The following HAPLN3 variants were observed in gnomAD, a reference collection of about 807,000 sequenced individuals.
HAPLN3 encodes extracellular link domain containing, 1.
In HAPLN3, 28 loss-of-function variants were observed where a neutral mutation model predicts 28.1. The observed-to-expected ratio is 1.00, with a 90% CI of 0.74 to 1.37. HAPLN3 has a LOEUF of 1.37. Among genes scored for constraint, HAPLN3 ranks in the 40% most tolerant of loss-of-function variants. The pLI, the probability that HAPLN3 is intolerant of heterozygous loss-of-function variation, is 0.00. For missense variants in HAPLN3, 513 were observed against 504.6 expected (o/e 1.02, Z -0.16); for synonymous variants, 211 against 213.1 (o/e 0.99, Z 0.09).
intron 2 of HAPLN3, among the ~76,000 whole-genome samples, chr15:88,884,233 G>T (rs1054467873): frequency 6.6e-6 from 1 of 152,142 alleles, no homozygotes; most frequent in Admixed American, 6.5e-5. Context: ...CTATGAGTAG[G>T]AAGTTTAAGT....
intron 2 of HAPLN3, among the ~76,000 whole-genome samples, chr15:88,882,819 T>C (rs939589): frequency 0.52 from 78,287 of 151,808 alleles, 21,435 homozygotes; most frequent in African/African-American, 0.71. Flanking sequence ...GCCTGGGCAA[T>C]AAAGTGAGAC....
Position 88,885,977 on chromosome 15 carries a change from T to C in HAPLN3, c.124+1198A>G, listed in dbSNP as rs187840175. Among the ~76,000 whole-genome samples, 550 of 152,310 alleles carry C rather than the reference T, an allele frequency of 3.6e-3. 25 individuals carry two copies. The South Asian group carries it at 0.091, about 25-fold the overall frequency. On this transcript the variant is annotated intron_variant, in intron 2 of 4. Transcript: ENST00000359595. ...GCTCATCTATGAGAAGGGATGATAA[T>C]AGAATCTACTTTCAGGCTGTGAGGG...
At position 88,885,277 on chromosome 15, in the gene HAPLN3, T is replaced by C. The variant is rs1897818923; in HGVS notation, c.124+1898A>G. Among the ~76,000 whole-genome samples the C allele has an allele frequency of 2.6e-5, 4 of 151,828 alleles. No individual in the cohort carries two copies. The South Asian group carries it at 8.3e-4, about 31-fold the overall frequency. ...CCTTCCACAAACAAGTGGAACAAGT[T>C]TGTTGTTGTTGTTTTTGAGGCAGAG... On this transcript the variant is annotated intron_variant, in intron 2 of 4. Transcript: ENST00000359595.
Position 88,877,902 on chromosome 15 carries a change from A to C in HAPLN3, c.*68T>G. 6.9e-7 allele frequency: 1 copy of C among 1,448,688 alleles called. No individual in the cohort carries two copies. Among genetic ancestry groups the C allele is most frequent in the Admixed American group, 2.3e-5 (1 of 43,202 alleles). The allele number at this position is 1,448,688 out of a possible 1,614,324, so 89.7% of individuals were successfully genotyped here. ...AACAGTTAAAATGGCTCCAACCCAC[A>C]AGGGAAAACGAACCACTCAATAAAT... On this transcript the variant is annotated 3_prime_UTR_variant, in exon 5 of 5. Coordinates refer to ENST00000359595, the MANE Select transcript of HAPLN3 (RefSeq NM_178232.4). The surrounding 1 kb of genome is among the most constrained non-coding windows in gnomAD (Gnocchi z 5.1).
Position 88,887,300 on chromosome 15 carries a change from T to G in HAPLN3, c.-2A>C. 6 of 1,613,946 alleles carry G rather than the reference T, an allele frequency of 3.7e-6. No homozygotes were observed. The highest frequency in any genetic ancestry group is 5.1e-6 in the Non-Finnish European group (6 of 1,179,866). On this transcript the variant is annotated 5_prime_UTR_variant, in exon 2 of 5. Transcript: ENST00000359595. ...CGGGACCAGGAGCAACAGGCCCATC[T>G]CCTCATGCCAGGGTGACCCGGGCCA...
Position 88,880,487 on chromosome 15 carries a change from G to T in HAPLN3, c.493+870C>A. ...ACCTGAGAGGCCCAGGGCTCTAAGG[G>T]GGATGAGGCATTTACCCACATGTCA... is the stretch of plus-strand genomic sequence containing the variant. On this transcript the variant is annotated intron_variant, in intron 3 of 4. Coordinates refer to ENST00000359595, the MANE Select transcript of HAPLN3 (RefSeq NM_178232.4). This position sits in a 1 kb window ranked among gnomAD's most constrained non-coding sequence, Gnocchi z 6.0. 7.9e-7 allele frequency: 1 copy of T among 1,258,768 alleles called. No homozygotes were observed. The highest frequency in any genetic ancestry group is 1.0e-6 in the Non-Finnish European group (1 of 965,598). The allele number at this position is 1,258,768 out of a possible 1,614,324, so 78.0% of individuals were successfully genotyped here. A position where few individuals can be genotyped will look rare whatever the true frequency, so the allele number is the denominator to read the frequency against.
intron 1 of HAPLN3, among the ~76,000 whole-genome samples, chr15:88,892,699 G>A (rs1346372215): frequency 6.6e-6 from 1 of 152,122 alleles, no homozygotes; most frequent in Non-Finnish European, 1.5e-5. Context: ...CTCCAGAGAA[G>A]ACTAAAGGGG....
At chr15:88,883,410 G>A (rs1392154743) in intron 2 of HAPLN3, among the ~76,000 whole-genome samples, 1 of 152,232 alleles carries the variant, frequency 6.6e-6, no homozygotes, top group Non-Finnish European at 1.5e-5. Context: ...TCAAGACTCA[G>A]CTTCCCCATT....
rs1000681585 is a variant in HAPLN3, at chr15:88,881,941, G to A, written c.125-216C>T. On this transcript the variant is annotated intron_variant, in intron 2 of 4. Transcript: ENST00000359595. The surrounding 1 kb of genome is among the most constrained non-coding windows in gnomAD (Gnocchi z 6.0). ...TATTCCCCCACCCCCTTGAATCTGT[G>A]CTGGCCTTGCCACTTGCTTGACCAA... is the stretch of plus-strand genomic sequence containing the variant. Among the ~76,000 whole-genome samples the A allele has an allele frequency of 1.3e-5, 2 of 152,090 alleles. No homozygotes were observed. The highest frequency in any genetic ancestry group is 4.8e-5 in the African/African-American group (2 of 41,410).
In HAPLN3 at chr15:88,877,764, A is replaced by G. The variant is rs1897566623; in HGVS notation, c.*206T>C. ...AAACCGCAAATGGCCCAGGGGAGCA[A>G]GCATGATTCCTGGAGTGGGGCATCC... On this transcript the variant is annotated 3_prime_UTR_variant, in exon 5 of 5. Transcript: ENST00000359595. The surrounding 1 kb of genome is among the most constrained non-coding windows in gnomAD (Gnocchi z 5.1). The G allele has an allele frequency of 1.7e-6, 1 of 576,854 alleles. No individual in the cohort carries two copies. Among genetic ancestry groups the G allele is most frequent in the African/African-American group, 1.9e-5 (1 of 53,294 alleles). The allele number at this position is 576,854 out of a possible 1,614,324, so 35.7% of individuals were successfully genotyped here.
intron 2 of HAPLN3, among the ~76,000 whole-genome samples, chr15:88,883,232 C>T (rs1317989109): frequency 6.6e-6 from 1 of 152,216 alleles, no homozygotes; most frequent in Non-Finnish European, 1.5e-5. Flanking sequence ...TGTGGGGTCC[C>T]AGTGCCTCAG....
intron 1 of HAPLN3, among the ~76,000 whole-genome samples, chr15:88,892,423 C>G (rs1898036621): frequency 6.6e-6 from 1 of 151,916 alleles, no homozygotes; most frequent in Non-Finnish European, 1.5e-5. Flanking sequence ...CACCTTTGCA[C>G]TCCAGCCTGG....
At chr15:88,883,689 A>C (rs576081671) in intron 2 of HAPLN3, among the ~76,000 whole-genome samples, 2 of 152,406 alleles carry the variant, frequency 1.3e-5, no homozygotes, top group South Asian at 4.1e-4. Flanking sequence ...TTGACTTAGA[A>C]AACGAGTTCT....
Position 88,881,729 on chromosome 15 carries a change from G to C in HAPLN3, c.125-4C>G, listed in dbSNP as rs369395896. On this transcript the variant is annotated splice_region_variant and splice_polypyrimidine_tract_variant and intron_variant, in intron 2 of 4. Coordinates refer to ENST00000359595, the MANE Select transcript of HAPLN3 (RefSeq NM_178232.4). This position sits in a 1 kb window ranked among gnomAD's most constrained non-coding sequence, Gnocchi z 6.0. ...AGCTTCACTCCATTAAGGAGGTCTTGGGGGAGAGACAGGGTGCAGATGAGA... is the reference window on the plus strand; with the variant it reads ...AGCTTCACTCCATTAAGGAGGTCTTCGGGGAGAGACAGGGTGCAGATGAGA... 3.1e-6 allele frequency: 5 copies of C among 1,605,452 alleles called. No homozygotes were observed. In the African/African-American group the frequency reaches 6.7e-5, roughly 21 times the overall value.
At chr15:88,886,585 G>A (rs577814247) in intron 2 of HAPLN3, among the ~76,000 whole-genome samples, 1 of 152,014 alleles carries the variant, frequency 6.6e-6, no homozygotes, top group South Asian at 2.1e-4. Flanking sequence ...AGCAATTTGG[G>A]AGGTCGAGGC....
Position 88,879,527 on chromosome 15 carries a change from T to C in HAPLN3, c.494-258A>G. ...TAGTCCATTAATGTCCCCAACAATGTCCCCAACCTAATCCGCAAGGCTGTC... is the reference window on the plus strand; with the variant it reads ...TAGTCCATTAATGTCCCCAACAATGCCCCCAACCTAATCCGCAAGGCTGTC... On this transcript the variant is annotated intron_variant, in intron 3 of 4. Coordinates refer to ENST00000359595, the MANE Select transcript of HAPLN3 (RefSeq NM_178232.4). The surrounding 1 kb of genome is among the most constrained non-coding windows in gnomAD (Gnocchi z 5.0). 6.8e-7 allele frequency: 1 copy of C among 1,475,954 alleles called. No individual in the cohort carries two copies. Among genetic ancestry groups the C allele is most frequent in the South Asian group, 1.2e-5 (1 of 82,688 alleles). The allele number at this position is 1,475,954 out of a possible 1,614,324, so 91.4% of individuals were successfully genotyped here. A position where few individuals can be genotyped will look rare whatever the true frequency, so the allele number is the denominator to read the frequency against.
At chr15:88,885,464 T>G (rs1467821135) in intron 2 of HAPLN3, among the ~76,000 whole-genome samples, 4 of 143,442 alleles carry the variant, frequency 2.8e-5, no homozygotes, top group East Asian at 4.1e-4. Flanking sequence ...TTGTGTTTTT[T>G]TTTTTTTTTT....
intron 1 of HAPLN3, among the ~76,000 whole-genome samples, chr15:88,894,769 GC>G (rs1467922076): frequency 1.3e-5 from 2 of 152,184 alleles, no homozygotes; most frequent in Non-Finnish European, 2.9e-5. Context: ...GGGTCCAAGT[GC>G]CGTGCTGTTT....
Position 88,880,631 on chromosome 15 carries a change from T to G in HAPLN3, c.493+726A>C. On this transcript the variant is annotated intron_variant, in intron 3 of 4. Coordinates refer to ENST00000359595, the MANE Select transcript of HAPLN3 (RefSeq NM_178232.4). This position sits in a 1 kb window ranked among gnomAD's most constrained non-coding sequence, Gnocchi z 6.0. ...CCATCCTAGAGACAGAGAAGGTAAATACAAATTAAAGATCAAACAGGGACC... is the reference window on the plus strand; with the variant it reads ...CCATCCTAGAGACAGAGAAGGTAAAGACAAATTAAAGATCAAACAGGGACC... The G allele has an allele frequency of 7.8e-7, 1 of 1,286,518 alleles. No homozygotes were observed. The highest frequency in any genetic ancestry group is 1.0e-6 in the Non-Finnish European group (1 of 986,746). The allele number at this position is 1,286,518 out of a possible 1,614,324, so 79.7% of individuals were successfully genotyped here.
Sources: gnomAD v4.1 joint callset for allele counts (sites outside exome capture counted in the v4.1 genomes callset) on GRCh38, gnomAD v4.1.1 for gene constraint, Gnocchi (gnomAD v3.1) non-coding constraint, MANE v1.5 for transcripts, NCBI Gene and HGNC (gene_info 2026-07-23, HGNC 2026-07-21) for gene names.